EPHA6: variants seen among roughly 807,000 people sequenced by gnomAD.
EPHA6 encodes ephrin type-A receptor 6.
Under a neutral mutation model 112.0 loss-of-function variants are expected in EPHA6, and 50 were observed. The observed-to-expected ratio is 0.45, with a 90% confidence interval of 0.36 to 0.56. The LOEUF (loss-of-function observed/expected upper bound fraction) is 0.56. Among genes scored for constraint, EPHA6 ranks in the 20% least tolerant of loss-of-function variants. EPHA6 has a pLI of 0.00. For missense variants in EPHA6, 1,280 were observed against 1,417.4 expected (o/e 0.90, Z 1.56); for synonymous variants, 529 against 490.7 (o/e 1.08, Z -1.03).
intron 2 of EPHA6, among the ~76,000 whole-genome samples, chr3:96,874,516 A>C (rs2107485033): frequency 6.6e-6 from 1 of 152,182 alleles, no homozygotes; most frequent in East Asian, 1.9e-4. Context: ...TTATAGAAAT[A>C]ATTACATTTG....
At chr3:97,392,492 CA>C (rs960120189) in intron 5 of EPHA6, among the ~76,000 whole-genome samples, 8 of 150,506 alleles carry the variant, frequency 5.3e-5, no homozygotes, top group African/African-American at 1.2e-4. Context: ...TTGCTATTTA[CA>C]AAAAAAATGG....
intron 13 of EPHA6, chr3:97,612,425 A>C (rs72932221): frequency 0.15 from 63,560 of 411,712 alleles, 6,478 homozygotes; most frequent in Admixed American, 0.31. Flanking sequence ...GCAGATATTC[A>C]ATCTAAATTG....
At chr3:97,370,323 C>A (rs762550575) in intron 5 of EPHA6, among the ~76,000 whole-genome samples, 6 of 152,146 alleles carry the variant, frequency 3.9e-5, no homozygotes, top group Non-Finnish European at 7.3e-5. Context: ...TATATGCCAA[C>A]TGTAGAAATA....
chr3:97,030,245 T>C (rs927561877), intron 3 of EPHA6, among the ~76,000 whole-genome samples: 2 of 152,096 alleles, frequency 1.3e-5, no homozygotes, highest in African/African-American at 4.8e-5. Flanking sequence ...ACTTAATACC[T>C]ATGAATCAGG....
At chr3:97,445,440 C>T (rs1182829556) in intron 6 of EPHA6, among the ~76,000 whole-genome samples, 2 of 152,096 alleles carry the variant, frequency 1.3e-5, no homozygotes, top group East Asian at 3.9e-4. Context: ...AGTTCTTGGT[C>T]TCCCACAAAG....
intron 11 of EPHA6, among the ~76,000 whole-genome samples, chr3:97,543,470 C>A (rs2092897752): frequency 6.6e-6 from 1 of 152,106 alleles, no homozygotes. Flanking sequence ...GTTTTGGTAC[C>A]AGTACCATGC....
chr3:97,080,485 G>A (rs559421986), intron 3 of EPHA6, among the ~76,000 whole-genome samples: 2 of 152,146 alleles, frequency 1.3e-5, no homozygotes, highest in Middle Eastern at 3.4e-3. Context: ...TTTTGCAGGA[G>A]GCATCTGGAA....
At chr3:97,716,713 G>A (rs995284986) in intron 14 of EPHA6, among the ~76,000 whole-genome samples, 5 of 151,694 alleles carry the variant, frequency 3.3e-5, no homozygotes, top group African/African-American at 1.2e-4. Flanking sequence ...ACTGTATCCC[G>A]TATATATCCT....
chr3:97,066,213 TAG>T (rs2046174184), intron 3 of EPHA6, among the ~76,000 whole-genome samples: 1 of 152,052 alleles, frequency 6.6e-6, no homozygotes, highest in African/African-American at 2.4e-5. Flanking sequence ...TCTTCTACCA[TAG>T]GCCTGATAGA....
chr3:96,930,727 C>T (rs1330101170), intron 2 of EPHA6, among the ~76,000 whole-genome samples: 1 of 152,020 alleles, frequency 6.6e-6, no homozygotes, highest in Non-Finnish European at 1.5e-5. Context: ...CCTGGTGGCT[C>T]ATGCCTGTAA....
chr3:97,518,449 A>G (rs1010275141), intron 10 of EPHA6, among the ~76,000 whole-genome samples: 18 of 151,466 alleles, frequency 1.2e-4, no homozygotes, highest in Admixed American at 3.9e-4. Context: ...CTTTAGACAT[A>G]CTGATTTTTT....
intron 6 of EPHA6, among the ~76,000 whole-genome samples, chr3:97,432,965 T>C (rs966526814): frequency 2.6e-5 from 4 of 152,106 alleles, no homozygotes; most frequent in Non-Finnish European, 4.4e-5. Context: ...CCAAACCACA[T>C]CATAAAGTCA....
At position 97,638,043 on chromosome 3, in the gene EPHA6, A is replaced by T; in HGVS notation, c.2745A>T (p.Arg915Ser). ...AAGTTTCTGATTTTGGTCTCTCCAG[A>T]GTGCTGGAAGATGATCCAGAAGCTG... ...VCKVSDFGLS[R>S]VLEDDPEAAY... The change falls in exon 14 of 18, where the codon AGA (arginine) becomes AGT (serine). Residue 915 changes from arginine (R) to serine (S), a missense_variant. This residue lies in a region of EPHA6 where 878 missense variants were observed against 999.7 expected (regional missense o/e 0.88). Transcript: ENST00000389672. The T allele has an allele frequency of 1.9e-6, 3 of 1,613,894 alleles. No individual in the cohort carries two copies. The highest frequency in any genetic ancestry group is 2.5e-6 in the Non-Finnish European group (3 of 1,179,846).
chr3:97,733,982 G>A (rs2035147857), intron 15 of EPHA6, among the ~76,000 whole-genome samples: 2 of 151,998 alleles, frequency 1.3e-5, no homozygotes, highest in Admixed American at 1.3e-4. Context: ...AAGGAATTTA[G>A]TTCAAATTTC....
chr3:96,913,879 T>G (rs1334982323), intron 2 of EPHA6, among the ~76,000 whole-genome samples: 1 of 152,176 alleles, frequency 6.6e-6, no homozygotes, highest in Non-Finnish European at 1.5e-5. Context: ...AAACATTTAT[T>G]GAGGGCCTAT....
intron 3 of EPHA6, among the ~76,000 whole-genome samples, chr3:97,176,897 T>G (rs2076851661): frequency 6.6e-6 from 1 of 151,818 alleles, no homozygotes; most frequent in African/African-American, 2.4e-5. Flanking sequence ...TTATTTCAGC[T>G]GTGATCTTTA....
At chr3:96,991,462 A>G (rs1351161169) in intron 3 of EPHA6, among the ~76,000 whole-genome samples, 1 of 152,112 alleles carries the variant, frequency 6.6e-6, no homozygotes, top group African/African-American at 2.4e-5. Context: ...ATCATTTAGT[A>G]TCTATCCCAA....
chr3:96,914,010 A>G (rs558795885), intron 2 of EPHA6, among the ~76,000 whole-genome samples: 3 of 152,258 alleles, frequency 2.0e-5, no homozygotes, highest in East Asian at 1.9e-4. Flanking sequence ...ATGATCAACA[A>G]TGTTAAATAT....
chr3:97,074,048 T>G (rs1424060802), intron 3 of EPHA6, among the ~76,000 whole-genome samples: 1 of 149,504 alleles, frequency 6.7e-6, no homozygotes, highest in Admixed American at 7.1e-5. Context: ...CTATGCAAAT[T>G]GAAGCATACT....
Sources: allele counts gnomAD v4.1 joint callset (sites outside exome capture counted in the v4.1 genomes callset), GRCh38; gene constraint gnomAD v4.1.1; regional missense constraint gnomAD v4.1.1; transcripts MANE v1.5; gene names NCBI Gene and HGNC (gene_info 2026-07-23, HGNC 2026-07-21).